The following NTN1 variants were observed in gnomAD, a reference collection of about 807,000 sequenced individuals.
NTN1 encodes netrin-1.
NTN1 carries 11 observed loss-of-function variants against 54.2 expected under a neutral mutation model. The observed-to-expected ratio is 0.20, with a 90% confidence interval of 0.13 to 0.34. The LOEUF (loss-of-function observed/expected upper bound fraction) is 0.34. Among genes scored for constraint, NTN1 ranks in the 10% least tolerant of loss-of-function variants. NTN1 has a pLI of 1.00. For missense variants in NTN1, 740 were observed against 893.1 expected (o/e 0.83, Z 2.18); for synonymous variants, 371 against 382.0 (o/e 0.97, Z 0.33).
rs544247060 is a variant in NTN1 at position 9,225,200 on chromosome 17, A to G, written c.1486+3958A>G. On this transcript the variant is annotated intron_variant, in intron 6 of 6. Coordinates refer to ENST00000173229, the MANE Select transcript of NTN1 (RefSeq NM_004822.3). Reference sequence around the variant, plus strand: ...AACCTGGAAGGTGGAGGTTGCAGTGAGCTGAGATCGTGCCGTTGCACTCCA... The same window carrying G: ...AACCTGGAAGGTGGAGGTTGCAGTGGGCTGAGATCGTGCCGTTGCACTCCA... Among the ~76,000 whole-genome samples, 7 of 152,114 alleles carry G rather than the reference A, an allele frequency of 4.6e-5. No individual in the cohort carries two copies. In the East Asian group the frequency reaches 1.4e-3, roughly 29 times the overall value.
rs1419984214 is a variant in NTN1 at position 9,239,203 on chromosome 17, T to C, written c.1487-437T>C. On this transcript the variant is annotated intron_variant, in intron 6 of 6. Coordinates refer to ENST00000173229, the MANE Select transcript of NTN1 (RefSeq NM_004822.3). This position sits in a 1 kb window ranked among gnomAD's most constrained non-coding sequence, Gnocchi z 5.2. ...GCTGGTTGGAGGGCCAGGCTGTGTGTGGAGTGTCATGAGGGCTGGTGTAAA... is the reference window on the plus strand; with the variant it reads ...GCTGGTTGGAGGGCCAGGCTGTGTGCGGAGTGTCATGAGGGCTGGTGTAAA... Among the ~76,000 whole-genome samples, 1 of 152,108 alleles carries C rather than the reference T, an allele frequency of 6.6e-6. No individual in the cohort carries two copies.
chr17:9,182,222 TCCCCAAACGTGTTGGG>T (rs1017683494), intron 4 of NTN1, among the ~76,000 whole-genome samples: 10 of 127,498 alleles, frequency 7.8e-5, no homozygotes, highest in East Asian at 2.0e-4. Context: ...CAAGCCATCC[TCCCCAAACGTGTTGGG>T]CCCCAAACGT....
intron 2 of NTN1, among the ~76,000 whole-genome samples, chr17:9,048,957 A>C (rs1368082648): frequency 2.6e-5 from 4 of 152,188 alleles, no homozygotes; most frequent in Admixed American, 2.0e-4. Context: ...CGCCCGGCGG[A>C]AAATGCTTCT....
intron 2 of NTN1, among the ~76,000 whole-genome samples, chr17:9,026,397 G>GC (rs1555562111): frequency 2.2e-4 from 33 of 150,334 alleles, no homozygotes; most frequent in African/African-American, 7.3e-4. Flanking sequence ...CTTCCGGGGG[G>GC]GGGGAACAAA....
intron 5 of NTN1, among the ~76,000 whole-genome samples, chr17:9,190,842 A>C (rs2142327341): frequency 6.6e-6 from 1 of 152,232 alleles, no homozygotes; most frequent in African/African-American, 2.4e-5. Flanking sequence ...ACAGAGCAGG[A>C]CTGTGTCTGG....
At chr17:9,163,147 GACACACACACACAC>G (rs56255655) in intron 3 of NTN1, 146 bp downstream of exon 3, 6,918 of 519,176 alleles carry the variant, frequency 0.013, no homozygotes, top group Middle Eastern at 0.017. Flanking sequence ...CTCTCTCTGT[GACACACACACACAC>G]ACACACACAC....
intron 2 of NTN1, among the ~76,000 whole-genome samples, chr17:9,084,914 G>C (rs921942775): frequency 6.6e-6 from 1 of 152,076 alleles, no homozygotes; most frequent in Admixed American, 6.5e-5. Context: ...GCCTCCCAAA[G>C]TGCTGGATTA....
chr17:9,135,696 C>T lies in NTN1; in HGVS notation c.1019-27117C>T, dbSNP rs2092278757. ...TTCTTCTAAGCTGTTGTCTCATCTC[C>T]AGGTTGAGGTTCTAGGGCTCCCTGG... On this transcript the variant is annotated intron_variant, in intron 2 of 6. Transcript: ENST00000173229. This position sits in a 1 kb window ranked among gnomAD's most constrained non-coding sequence, Gnocchi z 4.4. Among the ~76,000 whole-genome samples the T allele has an allele frequency of 6.6e-6, 1 of 152,212 alleles. No homozygotes were observed. The highest frequency in any genetic ancestry group is 1.5e-5 in the Non-Finnish European group (1 of 68,046).
intron 2 of NTN1, among the ~76,000 whole-genome samples, chr17:9,035,881 G>A (rs1021563877): frequency 3.9e-5 from 6 of 152,162 alleles, no homozygotes; most frequent in African/African-American, 1.2e-4. Flanking sequence ...AATTAGCCGG[G>A]TATGGTGGTG....
chr17:9,182,936 A>C lies in NTN1; in HGVS notation c.1378A>C (p.Thr460Pro), dbSNP rs541757843. The change falls in exon 5 of 7, where the codon ACG becomes CCG. Residue 460 changes from threonine to proline, a missense_variant. Transcript: ENST00000173229. The part of the protein sequence containing the change: ...PCIKIPVAPP[T>P]TAASSVEEPE... ...CAAAGAGATCCCTGTAGCGCCGCCG[A>C]CGACTGCAGCCAGCAGCGTGGAGGA... 2.0e-4 allele frequency: 324 copies of C among 1,613,878 alleles called. 5 individuals are homozygous for C. In the South Asian group the frequency reaches 2.1e-3, roughly 10 times the overall value.
chr17:9,072,605 A>G (rs1190611191), intron 2 of NTN1, among the ~76,000 whole-genome samples: 1 of 152,134 alleles, frequency 6.6e-6, no homozygotes, highest in East Asian at 1.9e-4. Context: ...GGCCCCCTGC[A>G]TTCTGGGAGA....
At chr17:9,188,033 G>A (rs1047877976) in intron 5 of NTN1, among the ~76,000 whole-genome samples, 1 of 152,196 alleles carries the variant, frequency 6.6e-6, no homozygotes, top group Non-Finnish European at 1.5e-5. Context: ...AATAGGTACA[G>A]GTTTTCCTTT....
chr17:9,237,647 G>A lies in NTN1; in HGVS notation c.1487-1993G>A, dbSNP rs576752602. On this transcript the variant is annotated intron_variant, in intron 6 of 6. Transcript: ENST00000173229. The stretch of plus-strand genomic sequence containing the variant: ...GACACCACAGCTGTACAAGGGGTCC[G>A]AGGTGTCCAGCACGGCAGAAACAGC... 7.2e-5 allele frequency among the ~76,000 whole-genome samples: 11 copies of A among 152,264 alleles called. No homozygotes were observed. In the East Asian group the frequency reaches 1.6e-3, roughly 21 times the overall value.
chr17:9,093,793 G>T (rs866764905), intron 2 of NTN1, among the ~76,000 whole-genome samples: 3 of 152,142 alleles, frequency 2.0e-5, no homozygotes, highest in Admixed American at 6.5e-5. Flanking sequence ...GGCCAACATG[G>T]TGAAACCCTG....
the NTN1 span, among the ~76,000 whole-genome samples, chr17:9,008,286 C>A: frequency 6.8e-6 from 1 of 147,504 alleles, no homozygotes; most frequent in African/African-American, 2.7e-5. Flanking sequence ...TTCTAGGCAA[C>A]TTTTTAATTT....
At chr17:9,179,774 T>G in intron 3 of NTN1, 33 bp from the exon 4 acceptor site, 1 of 1,604,016 alleles carries the variant, frequency 6.2e-7, no homozygotes, top group Non-Finnish European at 8.5e-7. Flanking sequence ...CGCTTCCCCC[T>G]TGTCTGACCC....
intron 2 of NTN1, among the ~76,000 whole-genome samples, chr17:9,086,848 G>A (rs1001010808): frequency 1.3e-5 from 2 of 151,736 alleles, no homozygotes; most frequent in African/African-American, 4.8e-5. Flanking sequence ...CACCATTATT[G>A]TCACCATCAT....
intron 6 of NTN1, among the ~76,000 whole-genome samples, chr17:9,228,272 G>A (rs1905668158): frequency 6.6e-6 from 1 of 152,256 alleles, no homozygotes; most frequent in South Asian, 2.1e-4. Context: ...GGCAAAGCAG[G>A]GCTCCTCGGT....
intron 2 of NTN1, among the ~76,000 whole-genome samples, chr17:9,129,296 G>A (rs545441620): frequency 3.3e-5 from 5 of 152,116 alleles, no homozygotes; most frequent in East Asian, 3.9e-4. Context: ...TCATTAAAAG[G>A]TACTTTACCT....
Sources: allele counts gnomAD v4.1 joint callset (sites outside exome capture counted in the v4.1 genomes callset), GRCh38; gene constraint gnomAD v4.1.1; non-coding constraint Gnocchi (gnomAD v3.1); transcripts MANE v1.5; gene names NCBI Gene and HGNC (gene_info 2026-07-23, HGNC 2026-07-21).